PPP2R5C: variants seen among roughly 807,000 people sequenced by gnomAD.
PPP2R5C encodes the protein serine/threonine-protein phosphatase 2A 56 kDa regulatory subunit gamma isoform.
In PPP2R5C, 7 loss-of-function variants were observed where a neutral mutation model predicts 68.9. The observed-to-expected ratio is 0.10, with a 90% CI of 0.06 to 0.19. PPP2R5C has a LOEUF of 0.19. Among genes scored for constraint, PPP2R5C ranks in the 10% least tolerant of loss-of-function variants. The pLI, the probability that PPP2R5C is intolerant of heterozygous loss-of-function variation, is 1.00. For missense variants in PPP2R5C, 348 were observed against 641.3 expected (o/e 0.54, Z 4.94); for synonymous variants, 210 against 222.2 (o/e 0.95, Z 0.49).
rs1010213550 is a variant in PPP2R5C, at chr14:101,915,358, G to A, written c.1327-2473G>A. Among the ~76,000 whole-genome samples, 1 of 152,208 alleles carries A rather than the reference G, an allele frequency of 6.6e-6. No homozygotes were observed. The highest frequency in any genetic ancestry group is 2.4e-5 in the African/African-American group (1 of 41,456). On this transcript the variant is annotated intron_variant, in intron 12 of 13. Transcript: ENST00000334743. The surrounding 1 kb of genome is among the most constrained non-coding windows in gnomAD (Gnocchi z 4.2). ...GCCTCCCAGAGTGCTGGGATTACAG[G>A]TGTGAGCCACCGCACCTGGCCTTCA...
chr14:101,763,242 C>CG lies in PPP2R5C; in HGVS notation c.93+276dup, dbSNP rs552828267. Among the ~76,000 whole-genome samples, 271 of 151,784 alleles carry CG rather than the reference C, an allele frequency of 1.8e-3. 1 individual carries two copies. Among genetic ancestry groups the CG allele is most frequent in the African/African-American group, 5.8e-3 (238 of 41,348 alleles). ...TTTTTTGTTTTTTATTTTTTTGAGA[C>CG]GGGGTCTCACTTTGTCACGCAGGCT... is the stretch of plus-strand genomic sequence containing the variant. On this transcript the variant is annotated intron_variant, in intron 2 of 14. Coordinates refer to the PPP2R5C transcript ENST00000328724.
At chr14:101,892,868 G>A in intron 6 of PPP2R5C, 132 bp from the exon 9 acceptor site, 1 of 655,070 alleles carries the variant, frequency 1.5e-6, no homozygotes, top group East Asian at 2.8e-5. Context: ...CAGGTGCATG[G>A]CAACATGCTT....
At chr14:101,831,641 C>T (rs773952093) in intron 1 of PPP2R5C, 4 of 637,890 alleles carry the variant, frequency 6.3e-6, no homozygotes, top group East Asian at 2.8e-5. Context: ...GACCCTTGAA[C>T]GTCACAAGTT....
chr14:101,853,805 G>A (rs1004514777), intron 1 of PPP2R5C, among the ~76,000 whole-genome samples: 16 of 152,104 alleles, frequency 1.1e-4, no homozygotes, highest in African/African-American at 3.9e-4. Context: ...GATTTGGCGA[G>A]GACATGTTCT....
At chr14:101,821,443 G>GT (rs1491546992) in intron 1 of PPP2R5C, among the ~76,000 whole-genome samples, 12 of 131,002 alleles carry the variant, frequency 9.2e-5, no homozygotes, top group African/African-American at 3.3e-4. Flanking sequence ...TGTGGGGGGT[G>GT]GGTGGGTGGG....
intron 7 of PPP2R5C, 73 bp from the exon 10 acceptor site, chr14:101,894,434 C>T (rs1039700482): frequency 3.2e-5 from 46 of 1,442,040 alleles, no homozygotes; most frequent in African/African-American, 9.8e-5. Context: ...AGGTGTTTAA[C>T]GATGATTCTA....
intron 13 of PPP2R5C, 122 bp from the exon 16 acceptor site, chr14:101,925,019 G>A: frequency 9.1e-7 from 1 of 1,099,674 alleles, no homozygotes; most frequent in South Asian, 1.5e-5. Flanking sequence ...TGGCCAGGGT[G>A]CCGCCAGCGA....
rs1480721881 is a variant in PPP2R5C, at chr14:101,891,073, CT to C, written c.689+781del. Among the ~76,000 whole-genome samples the C allele has an allele frequency of 2.6e-5, 4 of 152,164 alleles. No homozygotes were observed. The highest frequency in any genetic ancestry group is 5.9e-5 in the Non-Finnish European group (4 of 68,034). On this transcript the variant is annotated intron_variant, in intron 6 of 13. Transcript: ENST00000334743. This position sits in a 1 kb window ranked among gnomAD's most constrained non-coding sequence, Gnocchi z 4.9. Reference sequence around the variant, plus strand: ...AGGCATGAGCCACCACGCCCGGCCACTTTTATTTAATTGATAACCCGTAGAT... The same window carrying C: ...AGGCATGAGCCACCACGCCCGGCCACTTTATTTAATTGATAACCCGTAGAT...
chr14:101,854,059 G>GT (rs1032746163), intron 1 of PPP2R5C, among the ~76,000 whole-genome samples: 18 of 152,118 alleles, frequency 1.2e-4, no homozygotes, highest in African/African-American at 4.3e-4. Flanking sequence ...AAAAATGAAC[G>GT]TTTTTCATTG....
At chr14:101,895,450 T>G (rs1477084343) in intron 8 of PPP2R5C, among the ~76,000 whole-genome samples, 1 of 152,134 alleles carries the variant, frequency 6.6e-6, no homozygotes, top group Non-Finnish European at 1.5e-5. Flanking sequence ...AAACAGAAAT[T>G]CTACCCATTA....
intron 1 of PPP2R5C, among the ~76,000 whole-genome samples, chr14:101,816,901 TATATATATA>T (rs914668615): frequency 9.6e-5 from 12 of 125,476 alleles, no homozygotes; most frequent in Admixed American, 2.5e-4. Flanking sequence ...ATTATATAAA[TATATATATA>T]ATATATATAT....
Position 101,782,032 on chromosome 14 carries a change from C to T in PPP2R5C, c.94-3986C>T, listed in dbSNP as rs532457456. Among the ~76,000 whole-genome samples, 17 of 147,902 alleles carry T rather than the reference C, an allele frequency of 1.1e-4. No homozygotes were observed. In the East Asian group the frequency reaches 1.4e-3, roughly 12 times the overall value. On this transcript the variant is annotated intron_variant, in intron 2 of 14. Coordinates refer to the PPP2R5C transcript ENST00000328724. ...CCTTCTCTCCCTGTGTGCCTCCTTC[C>T]CTCCCTCCCTCTCTCCCCCTTCTCT...
chr14:101,797,152 A>G lies in PPP2R5C; in HGVS notation c.259+10969A>G, dbSNP rs950794277. 2 of 455,930 alleles carry G rather than the reference A, an allele frequency of 4.4e-6. No homozygotes were observed. The highest frequency in any genetic ancestry group is 4.0e-5 in the African/African-American group (2 of 50,068). 28.2% of individuals were successfully genotyped at this position (455,930 alleles called of 1,614,324 possible). On this transcript the variant is annotated intron_variant, in intron 3 of 14. Coordinates refer to the PPP2R5C transcript ENST00000328724. This position sits in a 1 kb window ranked among gnomAD's most constrained non-coding sequence, Gnocchi z 4.2. ...ACAGTAGGAGCCTCTTAGAAGCGGA[A>G]TCGTACAGTATCTGTCTTTCTGTGC... is the stretch of plus-strand genomic sequence containing the variant.
intron 1 of PPP2R5C, among the ~76,000 whole-genome samples, chr14:101,844,543 C>T (rs1165296957): frequency 6.6e-6 from 1 of 152,146 alleles, no homozygotes; most frequent in Admixed American, 6.5e-5. Flanking sequence ...CTGTCATCCC[C>T]GGGCTGGACG....
chr14:101,842,757 C>CTTTT lies in PPP2R5C; in HGVS notation c.95-13916_95-13913dup, dbSNP rs60913362. Among the ~76,000 whole-genome samples the CTTTT allele has an allele frequency of 2.1e-3, 293 of 137,856 alleles. 2 individuals are homozygous for CTTTT. Among genetic ancestry groups the CTTTT allele is most frequent in the African/African-American group, 7.5e-3 (279 of 37,422 alleles). 90.4% of individuals were successfully genotyped at this position (137,856 alleles called of 152,430 possible). ...TGGATGGGAGTGATGTGTCTTTTTTCTTTTTTTTTTTTTTTTACTTTATTA... is the reference window on the plus strand; with the variant it reads ...TGGATGGGAGTGATGTGTCTTTTTTCTTTTTTTTTTTTTTTTTTTTACTTTATTA... On this transcript the variant is annotated intron_variant, in intron 1 of 13. Coordinates refer to ENST00000334743, the Ensembl canonical transcript of PPP2R5C.
intron 3 of PPP2R5C, among the ~76,000 whole-genome samples, chr14:101,796,078 C>T (rs1184466144): frequency 6.6e-6 from 1 of 152,172 alleles, no homozygotes; most frequent in Non-Finnish European, 1.5e-5. Flanking sequence ...CCACCTCCGC[C>T]TCCCAAAGTG....
chr14:101,806,824 T>C (rs540675153), upstream of PPP2R5C, among the ~76,000 whole-genome samples: 5 of 152,126 alleles, frequency 3.3e-5, no homozygotes, highest in South Asian at 1.0e-3. Context: ...TGAGCAGTTG[T>C]GGTGATTCAA....
Position 101,764,030 on chromosome 14 carries a change from G to GTGTGTGTGT in PPP2R5C, c.93+1060_93+1061insTGTGTGTGT, listed in dbSNP as rs1462659583. ...GTGTGTGTGTGTGTGTGTGTGTGTG[G>GTGTGTGTGT]GCGCGCGCACTTGCGCGTCGGCCAC... On this transcript the variant is annotated intron_variant, in intron 2 of 14. Transcript: ENST00000328724. Among the ~76,000 whole-genome samples the GTGTGTGTGT allele has an allele frequency of 4.7e-3, 689 of 146,210 alleles. 30 individuals are homozygous for GTGTGTGTGT. The East Asian group carries it at 0.085, about 18-fold the overall frequency.
intron 2 of PPP2R5C, chr14:101,765,557 T>G (rs1039539911): frequency 7.7e-6 from 2 of 259,838 alleles, no homozygotes; most frequent in South Asian, 7.8e-5. Context: ...ATTCCCATGC[T>G]GCTTTCAAGC....
Sources: gnomAD v4.1 joint callset for allele counts (sites outside exome capture counted in the v4.1 genomes callset) on GRCh38, gnomAD v4.1.1 for gene constraint, Gnocchi (gnomAD v3.1) non-coding constraint, MANE v1.5 for transcripts, NCBI Gene and HGNC (gene_info 2026-07-23, HGNC 2026-07-21) for gene names.